The following CLVS2 variants were observed in gnomAD, a reference collection of about 807,000 sequenced individuals.
The protein encoded by CLVS2 is clavesin-2.
A neutral mutation model predicts 29.0 loss-of-function variants in CLVS2; 19 were observed. The ratio of observed to expected loss-of-function variants is 0.66; its 90% confidence interval spans 0.46 to 0.96. The LOEUF (loss-of-function observed/expected upper bound fraction) is 0.96. CLVS2 is among the 40% of genes least tolerant of loss of function. The pLI is 0.00. For synonymous variants in CLVS2, 161 were observed against 151.3 expected (o/e 1.06, Z -0.47); for missense variants, 294 against 404.1 (o/e 0.73, Z 2.34).
At position 123,069,055 on chromosome 6, in the gene CLVS2, T is replaced by G. The variant is rs1028306535; in HGVS notation, c.*5294T>G. On this transcript the variant is annotated 3_prime_UTR_variant, in exon 6 of 6. Coordinates refer to ENST00000275162, the MANE Select transcript of CLVS2 (RefSeq NM_001010852.4). ...AAGTTAAGATTCCTCAAGTTTGTGATATTTGTATGTGTGGGGATCAAAGAG... is the reference window on the plus strand; with the variant it reads ...AAGTTAAGATTCCTCAAGTTTGTGAGATTTGTATGTGTGGGGATCAAAGAG... 2.6e-5 allele frequency: 4 copies of G among 151,780 alleles called. No homozygotes were observed. The highest frequency in any genetic ancestry group is 9.7e-5 in the African/African-American group (4 of 41,404). The allele number at this position is 151,780 out of a possible 1,614,324, so 9.4% of individuals were successfully genotyped here. A position where few individuals can be genotyped will look rare whatever the true frequency, so the allele number is the denominator to read the frequency against.
At chr6:123,016,339 T>TGGGG (rs10665635) in intron 3 of CLVS2, among the ~76,000 whole-genome samples, 54 of 130,302 alleles carry the variant, frequency 4.1e-4, no homozygotes, top group African/African-American at 8.6e-4. Flanking sequence ...GTGCTTTTTT[T>TGGGG]GGGGGGGAGG....
Position 123,064,540 on chromosome 6 carries a change from C to A in CLVS2, c.*779C>A, listed in dbSNP as rs2114373482. The A allele has an allele frequency of 6.6e-6, 1 of 151,972 alleles. No homozygotes were observed. The highest frequency in any genetic ancestry group is 2.4e-5 in the African/African-American group (1 of 41,520). 9.4% of individuals were successfully genotyped at this position (151,972 alleles called of 1,614,324 possible). Reference sequence around the variant, plus strand: ...TTCCTAATGTACTCTAAGTACATTTCCCCTCCAAAACTCTTTGACTAAGAG... The same window carrying A: ...TTCCTAATGTACTCTAAGTACATTTACCCTCCAAAACTCTTTGACTAAGAG... On this transcript the variant is annotated 3_prime_UTR_variant, in exon 6 of 6. Transcript: ENST00000275162.
At chr6:123,029,404 A>G (rs969574335) in intron 3 of CLVS2, among the ~76,000 whole-genome samples, 1 of 152,224 alleles carries the variant, frequency 6.6e-6, no homozygotes, top group African/African-American at 2.4e-5. Flanking sequence ...CTGAGAAAAG[A>G]GATATCCATA....
At chr6:123,000,405 C>T (rs892476646) in intron 2 of CLVS2, among the ~76,000 whole-genome samples, 2 of 152,172 alleles carry the variant, frequency 1.3e-5, no homozygotes, top group Non-Finnish European at 2.9e-5. Flanking sequence ...ACAGATCTGT[C>T]ACCTTTGCAC....
intron 2 of CLVS2, among the ~76,000 whole-genome samples, chr6:123,002,634 T>C (rs1460122184): frequency 6.7e-6 from 1 of 150,034 alleles, no homozygotes; most frequent in Non-Finnish European, 1.5e-5. Flanking sequence ...AGGAATAGAT[T>C]AAAACAGTCC....
At chr6:123,048,954 G>A in intron 4 of CLVS2, among the ~76,000 whole-genome samples, 1 of 152,098 alleles carries the variant, frequency 6.6e-6, no homozygotes, top group East Asian at 1.9e-4. Flanking sequence ...CAAAAAGGAG[G>A]ACATTTTAGC....
chr6:123,054,846 T>C (rs1315461359), intron 4 of CLVS2, among the ~76,000 whole-genome samples: 3 of 151,622 alleles, frequency 2.0e-5, no homozygotes, highest in Non-Finnish European at 4.4e-5. Context: ...TAAAGCACTA[T>C]TTAGGATGGT....
At chr6:123,042,705 A>C (rs1410679005) in intron 3 of CLVS2, among the ~76,000 whole-genome samples, 1 of 152,146 alleles carries the variant, frequency 6.6e-6, no homozygotes, top group East Asian at 1.9e-4. Context: ...TGTTTTGGTA[A>C]AAATCTTTGC....
intron 4 of CLVS2, among the ~76,000 whole-genome samples, chr6:123,053,461 A>G (rs964551039): frequency 2.6e-5 from 4 of 152,180 alleles, no homozygotes; most frequent in Non-Finnish European, 5.9e-5. Flanking sequence ...GTTTCAATAA[A>G]CAGAGTCATC....
intron 3 of CLVS2, among the ~76,000 whole-genome samples, chr6:123,017,511 G>T (rs1682350504): frequency 6.6e-6 from 1 of 152,076 alleles, no homozygotes; most frequent in African/African-American, 2.4e-5. Flanking sequence ...GTGACATTTT[G>T]TTCATCACAT....
chr6:123,027,420 A>G (rs530252275), intron 3 of CLVS2, among the ~76,000 whole-genome samples: 2 of 152,278 alleles, frequency 1.3e-5, no homozygotes, highest in East Asian at 1.9e-4. Flanking sequence ...GCCAAGCGAT[A>G]ATTCAAAGGA....
At chr6:123,051,710 A>G (rs1175914713) in intron 4 of CLVS2, among the ~76,000 whole-genome samples, 1 of 152,296 alleles carries the variant, frequency 6.6e-6, no homozygotes, top group East Asian at 1.9e-4. Flanking sequence ...CACTTAGCAT[A>G]ATCTCTTTAA....
intron 3 of CLVS2, among the ~76,000 whole-genome samples, chr6:123,027,849 AG>A (rs1048862395): frequency 9.2e-5 from 14 of 152,204 alleles, no homozygotes; most frequent in African/African-American, 3.1e-4. Context: ...TCTTGTGGAA[AG>A]GATTTGCTTG....
chr6:122,997,949 T>C lies in CLVS2; in HGVS notation c.172T>C (p.Leu58=), dbSNP rs1427303447. 1 of 1,614,038 alleles carries C rather than the reference T, an allele frequency of 6.2e-7. No individual in the cohort carries two copies. Among genetic ancestry groups the C allele is most frequent in the Non-Finnish European group, 8.5e-7 (1 of 1,180,002 alleles). ...GGATGATGCCTTCATCTTACGCTTC[T>C]TGCGGGCTAGGAAGTTTCATCACTT... ...RTDDAFILRF[L]RARKFHHFEA... The change falls in exon 2 of 6, where the codon TTG becomes CTG. Residue 58 remains leucine (L), a synonymous_variant. Transcript: ENST00000275162.
intron 4 of CLVS2, among the ~76,000 whole-genome samples, chr6:123,051,545 T>A (rs776985412): frequency 2.6e-5 from 4 of 152,298 alleles, no homozygotes; most frequent in Non-Finnish European, 4.4e-5. Context: ...CTTCAGCAAG[T>A]CAATAGTTGT....
chr6:123,036,274 A>G (rs923982550), intron 3 of CLVS2, among the ~76,000 whole-genome samples: 4 of 152,176 alleles, frequency 2.6e-5, no homozygotes, highest in African/African-American at 9.7e-5. Context: ...GCTTTGGGTG[A>G]TTATTACTTT....
chr6:123,051,811 C>T lies in CLVS2; in HGVS notation c.675+3079C>T, dbSNP rs533744959. On this transcript the variant is annotated intron_variant, in intron 4 of 5. Transcript: ENST00000275162. Reference sequence around the variant, plus strand: ...AGGTATTCAGAGGCACAGGAACCAACAAGGACCAAACTTCTTGCATGAAAT... The same window carrying T: ...AGGTATTCAGAGGCACAGGAACCAATAAGGACCAAACTTCTTGCATGAAAT... Among the ~76,000 whole-genome samples the T allele has an allele frequency of 7.1e-4, 108 of 152,084 alleles. 1 individual carries two copies. Among genetic ancestry groups the T allele is most frequent in the Non-Finnish European group, 1.2e-3 (84 of 68,010 alleles).
intron 2 of CLVS2, among the ~76,000 whole-genome samples, chr6:123,004,436 T>C (rs1230757537): frequency 6.6e-6 from 1 of 152,196 alleles, no homozygotes; most frequent in Non-Finnish European, 1.5e-5. Flanking sequence ...GCCAGACAGA[T>C]GAAATTTCAA....
intron 2 of CLVS2, among the ~76,000 whole-genome samples, chr6:123,003,230 C>T (rs1774615839): frequency 6.6e-6 from 1 of 152,172 alleles, no homozygotes; most frequent in Non-Finnish European, 1.5e-5. Flanking sequence ...CTGAGCCAAG[C>T]TATTTTCATG....
Sources: gnomAD v4.1 joint callset for allele counts (sites outside exome capture counted in the v4.1 genomes callset) on GRCh38, gnomAD v4.1.1 for gene constraint, MANE v1.5 for transcripts, NCBI Gene and HGNC (gene_info 2026-07-23, HGNC 2026-07-21) for gene names.